Variants in PRELID2 observed in about 807,000 individuals in gnomAD.
The protein encoded by PRELID2 is PRELI domain-containing protein 2.
Under a neutral mutation model 28.4 loss-of-function variants are expected in PRELID2, and 25 were observed. The observed-to-expected ratio is 0.88, with a 90% CI of 0.64 to 1.23. The LOEUF is 1.23. Ranked by LOEUF, PRELID2 falls within the 50% of genes most tolerant of loss-of-function variation. The probability of loss-of-function intolerance (pLI) is 0.00; values close to 1 mark genes in which losing one functional copy is unlikely to be tolerated. For synonymous variants in PRELID2, 76 were observed against 71.6 expected (o/e 1.06, Z -0.31); for missense variants, 201 against 214.4 (o/e 0.94, Z 0.39).
chr5:145,486,250 G>A (rs1300945539), intron 1 of PRELID2, among the ~76,000 whole-genome samples: 1 of 152,072 alleles, frequency 6.6e-6, no homozygotes, highest in Non-Finnish European at 1.5e-5. Context: ...TTCTATCACA[G>A]CATTTACCAC....
At chr5:145,419,651 T>G in the PRELID2 span, among the ~76,000 whole-genome samples, 7 of 152,000 alleles carry the variant, frequency 4.6e-5, no homozygotes, top group Non-Finnish European at 8.8e-5. Flanking sequence ...GATGAGTAGG[T>G]TGCGAAAATT....
chr5:145,770,451 C>A (rs539049706), intron 5 of PRELID2, among the ~76,000 whole-genome samples: 3 of 152,236 alleles, frequency 2.0e-5, no homozygotes, highest in African/African-American at 7.2e-5. Flanking sequence ...CTGCAGTGAA[C>A]TATGATTATG....
chr5:145,534,168 T>G (rs527434328), intron 1 of PRELID2, among the ~76,000 whole-genome samples: 4 of 152,140 alleles, frequency 2.6e-5, no homozygotes, highest in East Asian at 3.9e-4. Flanking sequence ...CTTTGACCCA[T>G]CCACAATTAC....
the PRELID2 span, among the ~76,000 whole-genome samples, chr5:145,456,707 C>G: frequency 2.6e-5 from 4 of 152,068 alleles, no homozygotes; most frequent in Non-Finnish European, 2.9e-5. Flanking sequence ...GTTGAATGAA[C>G]AAATTAACAA....
chr5:145,736,604 T>C (rs376426589), intron 1 of PRELID2, among the ~76,000 whole-genome samples: 262 of 152,322 alleles, frequency 1.7e-3, no homozygotes, highest in African/African-American at 5.9e-3. Flanking sequence ...AGAGGATTTT[T>C]AAAATTTTTC....
the PRELID2 span, among the ~76,000 whole-genome samples, chr5:145,279,186 A>C: frequency 2.0e-5 from 3 of 152,192 alleles, no homozygotes; most frequent in Non-Finnish European, 4.4e-5. Context: ...TTCAATTGGC[A>C]TTGCTTTCAA....
chr5:145,565,822 G>T (rs899699847), intron 1 of PRELID2, among the ~76,000 whole-genome samples: 2 of 152,196 alleles, frequency 1.3e-5, no homozygotes, highest in African/African-American at 4.8e-5. Context: ...ATGCCAGTAG[G>T]TGTAAGTCTA....
intron 1 of PRELID2, among the ~76,000 whole-genome samples, chr5:145,628,398 A>T (rs1581012520): frequency 6.6e-6 from 1 of 152,084 alleles, no homozygotes; most frequent in East Asian, 1.9e-4. Context: ...ATCTCAGTTC[A>T]CTGCAACCTC....
chr5:145,476,667 T>G (rs534215669), intron 1 of PRELID2, among the ~76,000 whole-genome samples: 1 of 151,908 alleles, frequency 6.6e-6, no homozygotes, highest in African/African-American at 2.4e-5. Flanking sequence ...AAAATAAAAA[T>G]TTATTAATTG....
chr5:145,372,889 A>AT, the PRELID2 span, among the ~76,000 whole-genome samples: 2 of 54,288 alleles, frequency 3.7e-5, no homozygotes, highest in Non-Finnish European at 7.6e-5. Flanking sequence ...ATATGATATT[A>AT]TATATTACAA....
the PRELID2 span, among the ~76,000 whole-genome samples, chr5:145,297,240 T>G: frequency 6.6e-6 from 1 of 152,088 alleles, no homozygotes; most frequent in Admixed American, 6.6e-5. Context: ...CCATTGCTTT[T>G]GGTGTTTTAG....
the PRELID2 span, among the ~76,000 whole-genome samples, chr5:145,416,490 A>G: frequency 2.0e-5 from 3 of 152,016 alleles, no homozygotes; most frequent in Non-Finnish European, 4.4e-5. Flanking sequence ...AACCTACAAA[A>G]TGGGAGAAAA....
chr5:145,366,083 T>C, the PRELID2 span, among the ~76,000 whole-genome samples: 1 of 151,912 alleles, frequency 6.6e-6, no homozygotes, highest in South Asian at 2.1e-4. Context: ...AGACTTTACC[T>C]AAATTAACTT....
At chr5:145,360,729 A>G in the PRELID2 span, among the ~76,000 whole-genome samples, 7 of 152,282 alleles carry the variant, frequency 4.6e-5, no homozygotes, top group Admixed American at 1.3e-4. Flanking sequence ...CAATAACTCT[A>G]TTTGATATGG....
At chr5:145,730,969 C>G (rs1756327919) in intron 1 of PRELID2, among the ~76,000 whole-genome samples, 1 of 152,204 alleles carries the variant, frequency 6.6e-6, no homozygotes, top group African/African-American at 2.4e-5. Context: ...ACATTCGAAG[C>G]TTCTGATAAG....
chr5:145,819,734 G>T, intron 3 of PRELID2: 1 of 589,764 alleles, frequency 1.7e-6, no homozygotes, highest in Non-Finnish European at 3.0e-6. Flanking sequence ...TCCATTAAGA[G>T]TTCTTCACAA....
chr5:145,345,076 C>G, the PRELID2 span, among the ~76,000 whole-genome samples: 1 of 152,036 alleles, frequency 6.6e-6, no homozygotes, highest in Non-Finnish European at 1.5e-5. Flanking sequence ...TATGATGTTA[C>G]TCCAAATTTA....
At position 145,630,122 on chromosome 5, in the gene PRELID2, T is replaced by TTAGATGCA. The variant is rs755496433; in HGVS notation, n.70+134808_70+134809insTGCATCTA. 8.0e-3 allele frequency among the ~76,000 whole-genome samples: 1,184 copies of TTAGATGCA among 147,132 alleles called. 11 individuals carry two copies. Among genetic ancestry groups the TTAGATGCA allele is most frequent in the African/African-American group, 0.023 (834 of 37,016 alleles). On this transcript the variant is annotated intron_variant and non_coding_transcript_variant, in intron 1 of 2. Transcript: ENST00000510259. ...GAAAAGTGTGTACTCAAAAAAATGTTTGGATGCATGGATGGATGGATGGAT... is the reference window on the plus strand; with the variant it reads ...GAAAAGTGTGTACTCAAAAAAATGTTTAGATGCATGGATGCATGGATGGATGGATGGAT...
the PRELID2 span, among the ~76,000 whole-genome samples, chr5:145,328,191 G>T: frequency 2.6e-4 from 40 of 152,190 alleles, no homozygotes; most frequent in African/African-American, 9.4e-4. Flanking sequence ...TCGTTGATGG[G>T]CATTTGGGCT....
Sources: allele counts gnomAD v4.1 joint callset (sites outside exome capture counted in the v4.1 genomes callset), GRCh38; gene constraint gnomAD v4.1.1; transcripts MANE v1.5; gene names NCBI Gene and HGNC (gene_info 2026-07-23, HGNC 2026-07-21).